HIVEP3: variants seen among roughly 807,000 people sequenced by gnomAD.
The protein encoded by HIVEP3 is transcription factor HIVEP3.
HIVEP3 carries 49 observed loss-of-function variants against 152.8 expected under a neutral mutation model. The ratio of observed to expected loss-of-function variants is 0.32; its 90% confidence interval spans 0.26 to 0.41. HIVEP3 has a LOEUF of 0.41. Ranked by LOEUF, HIVEP3 falls within the 10% of genes least tolerant of loss-of-function variation. The pLI, the probability that HIVEP3 is intolerant of heterozygous loss-of-function variation, is 1.00. For missense variants in HIVEP3, 2,790 were observed against 3,103.3 expected, an observed-to-expected ratio of 0.90 and a Z score of 2.40; for synonymous variants, 1,269 against 1,289.0, an observed-to-expected ratio of 0.98 and a Z score of 0.33.
At chr1:41,767,995 CA>C (rs1432935370) in intron 1 of HIVEP3, among the ~76,000 whole-genome samples, 3 of 152,196 alleles carry the variant, frequency 2.0e-5, no homozygotes, top group Non-Finnish European at 4.4e-5. Flanking sequence ...ATGTAGATGG[CA>C]GACATCATTC....
At chr1:41,560,411 G>T (rs769348276) in intron 5 of HIVEP3, among the ~76,000 whole-genome samples, 1 of 152,154 alleles carries the variant, frequency 6.6e-6, no homozygotes, top group Admixed American at 6.5e-5. Context: ...CAACGGGGTT[G>T]GGGGCAGAGT....
intron 5 of HIVEP3, among the ~76,000 whole-genome samples, chr1:41,528,773 A>G (rs1243191407): frequency 8.9e-6 from 1 of 111,780 alleles, no homozygotes; most frequent in East Asian, 3.0e-4. Context: ...TCACCTTCAC[A>G]CACTCCACAC....
At chr1:41,585,399 G>T in intron 3 of HIVEP3, 81 bp from the exon 4 acceptor site, 1 of 398,574 alleles carries the variant, frequency 2.5e-6, no homozygotes, top group South Asian at 1.3e-4. Flanking sequence ...TGCACAGCCT[G>T]GGCAGCCCAG....
At chr1:41,647,664 T>A (rs1645481361) in intron 2 of HIVEP3, among the ~76,000 whole-genome samples, 1 of 152,216 alleles carries the variant, frequency 6.6e-6, no homozygotes, top group South Asian at 2.1e-4. Flanking sequence ...AACATAGGGA[T>A]CTGACTGTGG....
chr1:41,807,682 A>G (rs1650716022), intron 1 of HIVEP3, among the ~76,000 whole-genome samples: 1 of 152,192 alleles, frequency 6.6e-6, no homozygotes, highest in Non-Finnish European at 1.5e-5. Flanking sequence ...AGATCTCCAT[A>G]GCACAGCGTG....
At position 41,637,658 on chromosome 1, in the gene HIVEP3, A is replaced by G. The variant is rs114101397; in HGVS notation, c.-720-8711T>C. 5.6e-3 allele frequency among the ~76,000 whole-genome samples: 857 copies of G among 152,318 alleles called. 13 individuals are homozygous for G. The highest frequency in any genetic ancestry group is 0.02 in the African/African-American group (815 of 41,566). ...ACATCTATCTGTGTAGCTGTGACGG[A>G]TGGAAAGGACCTGGGGGATGCAATC... is the stretch of plus-strand genomic sequence containing the variant. On this transcript the variant is annotated intron_variant, in intron 2 of 8. Transcript: ENST00000372583.
At chr1:41,885,656 C>T (rs1308245922) in intron 1 of HIVEP3, among the ~76,000 whole-genome samples, 1 of 152,136 alleles carries the variant, frequency 6.6e-6, no homozygotes, top group African/African-American at 2.4e-5. Flanking sequence ...GAGTGAGACT[C>T]CGTCAAAAAA....
chr1:41,743,158 G>C (rs1647021775), intron 1 of HIVEP3, among the ~76,000 whole-genome samples: 1 of 152,108 alleles, frequency 6.6e-6, no homozygotes, highest in South Asian at 2.1e-4. Context: ...GCCACTGACA[G>C]CATGAGGCAG....
intron 1 of HIVEP3, among the ~76,000 whole-genome samples, chr1:41,722,473 C>CTTT: frequency 1.4e-5 from 2 of 144,458 alleles, no homozygotes; most frequent in Non-Finnish European, 3.0e-5. Context: ...TCCTCCCCTT[C>CTTT]CCTCTCCCCT....
chr1:41,883,622 G>T (rs1644296534), intron 1 of HIVEP3, among the ~76,000 whole-genome samples: 1 of 152,242 alleles, frequency 6.6e-6, no homozygotes, highest in Non-Finnish European at 1.5e-5. Context: ...GGCCAAAAGA[G>T]AACCTGTGAC....
At chr1:41,594,745 C>T (rs1644639117) in intron 3 of HIVEP3, among the ~76,000 whole-genome samples, 1 of 151,900 alleles carries the variant, frequency 6.6e-6, no homozygotes, top group Admixed American at 6.6e-5. Flanking sequence ...TTAAATGTAC[C>T]ATTAATTTTT....
Position 41,580,011 on chromosome 1 carries a change from G to C in HIVEP3, c.4787C>G (p.Pro1596Arg), listed in dbSNP as rs778799805. ...GTDSKKVLQF[P>R]SLHTTTNVSW... ...GACATTAGTGGTTGTGTGGAGGCTG[G>C]GGAACTGCAGTACCTTCTTTGAGTC... The change falls in exon 4 of 9, where the codon CCC (proline) becomes CGC (arginine). Residue 1596 changes from proline (P) to arginine (R), a missense_variant. Physicochemically the swap from Pro to Arg is moderately radical, Grantham distance 103. Transcript: ENST00000372583. The C allele has an allele frequency of 1.2e-6, 2 of 1,614,188 alleles. No individual in the cohort carries two copies. Among genetic ancestry groups the C allele is most frequent in the South Asian group, 1.1e-5 (1 of 91,082 alleles).
chr1:41,669,873 T>C (rs545810764), intron 2 of HIVEP3, among the ~76,000 whole-genome samples: 5 of 152,350 alleles, frequency 3.3e-5, no homozygotes, highest in South Asian at 4.1e-4. Context: ...TTTATCTCTA[T>C]GCCTATCATA....
upstream of HIVEP3, among the ~76,000 whole-genome samples, chr1:41,922,487 T>C (rs1010225371): frequency 6.6e-6 from 1 of 152,128 alleles, no homozygotes; most frequent in Non-Finnish European, 1.5e-5. Flanking sequence ...TACTTGAAGA[T>C]CTCTTCCAGC....
At chr1:41,663,004 G>T (rs560169734) in intron 2 of HIVEP3, among the ~76,000 whole-genome samples, 1 of 152,186 alleles carries the variant, frequency 6.6e-6, no homozygotes, top group Non-Finnish European at 1.5e-5. Flanking sequence ...GGGTGGGGGC[G>T]GGGGACACCC....
rs1642435322 is a variant in HIVEP3 at position 41,511,920 on chromosome 1, T to C, written c.6406-654A>G. The stretch of plus-strand genomic sequence containing the variant: ...TGGCAGCAGTGGTGTGTTGGTGCAA[T>C]GGTGACAGTGGTGGTGCTGGCCATG... On this transcript the variant is annotated intron_variant, in intron 8 of 8. Coordinates refer to ENST00000372583, the MANE Select transcript of HIVEP3 (RefSeq NM_024503.5). The surrounding 1 kb of genome is among the most constrained non-coding windows in gnomAD (Gnocchi z 4.9). 6.6e-6 allele frequency among the ~76,000 whole-genome samples: 1 copy of C among 151,962 alleles called. No homozygotes were observed. Among genetic ancestry groups the C allele is most frequent in the Non-Finnish European group, 1.5e-5 (1 of 67,984 alleles).
intron 2 of HIVEP3, among the ~76,000 whole-genome samples, chr1:41,691,126 A>C (rs1646191382): frequency 6.6e-6 from 1 of 152,234 alleles, no homozygotes; most frequent in Admixed American, 6.5e-5. Flanking sequence ...AATATATGTC[A>C]AGGGCTTAGA....
At chr1:41,576,090 A>T (rs1644323560) in intron 4 of HIVEP3, among the ~76,000 whole-genome samples, 1 of 152,222 alleles carries the variant, frequency 6.6e-6, no homozygotes, top group Non-Finnish European at 1.5e-5. Flanking sequence ...TGAACACATG[A>T]ACAAGGCTCC....
intron 1 of HIVEP3, among the ~76,000 whole-genome samples, chr1:41,781,343 A>G (rs1373304355): frequency 6.6e-6 from 1 of 152,190 alleles, no homozygotes; most frequent in Non-Finnish European, 1.5e-5. Flanking sequence ...CTCATTCCAC[A>G]CTAAACCCTA....
Sources: allele counts gnomAD v4.1 joint callset (sites outside exome capture counted in the v4.1 genomes callset), GRCh38; gene constraint gnomAD v4.1.1; non-coding constraint Gnocchi (gnomAD v3.1); transcripts MANE v1.5; gene names NCBI Gene and HGNC (gene_info 2026-07-23, HGNC 2026-07-21).